The following CACNA2D1 variants were observed in gnomAD, a reference collection of about 807,000 sequenced individuals.
CACNA2D1 encodes calcium voltage-gated channel auxiliary subunit alpha2delta 1, also known as voltage-dependent calcium channel subunit alpha-2/delta-1.
CACNA2D1 carries 53 observed loss-of-function variants against 171.5 expected under a neutral mutation model. That is an observed-to-expected ratio of 0.31 (90% CI 0.25 to 0.39). The LOEUF is 0.39. Among genes scored for constraint, CACNA2D1 ranks in the 10% least tolerant of loss-of-function variants. The pLI is 1.00. For synonymous variants in CACNA2D1, 442 were observed against 443.1 expected, an observed-to-expected ratio of 1.00 and a Z score of 0.03; for missense variants, 903 against 1,299.8, an observed-to-expected ratio of 0.69 and a Z score of 4.69.
At chr7:82,155,269 C>T (rs1794265791) in intron 4 of CACNA2D1, among the ~76,000 whole-genome samples, 1 of 152,032 alleles carries the variant, frequency 6.6e-6, no homozygotes, top group African/African-American at 2.4e-5. Context: ...AATGCAAGAA[C>T]CGACTAATAG....
intron 3 of CACNA2D1, among the ~76,000 whole-genome samples, chr7:82,303,002 T>C (rs1443887711): frequency 6.6e-6 from 1 of 152,014 alleles, no homozygotes; most frequent in Non-Finnish European, 1.5e-5. Flanking sequence ...TTTTTGTTTG[T>C]TTGTTTTTTG....
intron 12 of CACNA2D1, among the ~76,000 whole-genome samples, chr7:82,020,383 T>C (rs1801038502): frequency 6.6e-6 from 1 of 151,246 alleles, no homozygotes; most frequent in African/African-American, 2.4e-5. Context: ...GCAAGTTACT[T>C]TACTTTTCTG....
intron 3 of CACNA2D1, among the ~76,000 whole-genome samples, chr7:82,331,361 T>C (rs1393765282): frequency 1.2e-4 from 19 of 152,172 alleles, no homozygotes; most frequent in Non-Finnish European, 2.8e-4. Context: ...TTAATCCAGA[T>C]GTCTCCCTGA....
intron 3 of CACNA2D1, among the ~76,000 whole-genome samples, chr7:82,172,501 G>A (rs1368155842): frequency 3.3e-5 from 5 of 151,672 alleles, no homozygotes; most frequent in African/African-American, 1.2e-4. Context: ...CTCCCAGCCT[G>A]GAGTACAGTG....
intron 6 of CACNA2D1, among the ~76,000 whole-genome samples, chr7:82,111,424 G>GTATATATAGATTCATATA: frequency 1.4e-5 from 1 of 71,102 alleles, no homozygotes; most frequent in Non-Finnish European, 2.6e-5. Flanking sequence ...GTGTATATAT[G>GTATATATAGATTCATATA]TGTGTATATA....
intron 10 of CACNA2D1, among the ~76,000 whole-genome samples, chr7:82,054,022 T>G (rs1320966021): frequency 1.3e-5 from 2 of 152,178 alleles, no homozygotes; most frequent in African/African-American, 4.8e-5. Flanking sequence ...CTTAAGAAAT[T>G]AGTTAACAAT....
At chr7:82,066,046 A>G (rs1050995187) in intron 8 of CACNA2D1, among the ~76,000 whole-genome samples, 1 of 152,122 alleles carries the variant, frequency 6.6e-6, no homozygotes, top group Non-Finnish European at 1.5e-5. Context: ...CTATATGAAT[A>G]TAACTAGGGG....
At chr7:82,278,274 C>T (rs1354317798) in intron 3 of CACNA2D1, among the ~76,000 whole-genome samples, 1 of 151,996 alleles carries the variant, frequency 6.6e-6, no homozygotes, top group Non-Finnish European at 1.5e-5. Flanking sequence ...CTTATATCAA[C>T]AAACAAAATT....
chr7:82,086,357 T>A (rs1810485031), intron 6 of CACNA2D1, among the ~76,000 whole-genome samples: 1 of 152,206 alleles, frequency 6.6e-6, no homozygotes, highest in Non-Finnish European at 1.5e-5. Flanking sequence ...GCAGTCCTCA[T>A]TATTGAAAAC....
intron 5 of CACNA2D1, among the ~76,000 whole-genome samples, chr7:82,123,365 T>G (rs1789966062): frequency 6.6e-6 from 1 of 152,196 alleles, no homozygotes; most frequent in African/African-American, 2.4e-5. Flanking sequence ...TTAACAAGCT[T>G]ATACATCACC....
chr7:82,330,751 A>C (rs1585523787), intron 3 of CACNA2D1, among the ~76,000 whole-genome samples: 1 of 152,200 alleles, frequency 6.6e-6, no homozygotes, highest in East Asian at 1.9e-4. Flanking sequence ...ATGGATGAAT[A>C]GAACTTTACA....
chr7:82,258,812 C>CTT (rs1468609235), intron 3 of CACNA2D1, among the ~76,000 whole-genome samples: 2 of 64,104 alleles, frequency 3.1e-5, no homozygotes, highest in African/African-American at 6.6e-5. Flanking sequence ...TTCTTTCTTA[C>CTT]TTTTCTTTTT....
chr7:82,100,727 TAGA>T (rs1812578694), intron 6 of CACNA2D1, among the ~76,000 whole-genome samples: 1 of 152,124 alleles, frequency 6.6e-6, no homozygotes, highest in Non-Finnish European at 1.5e-5. Context: ...AGAGATTTAG[TAGA>T]AGATTTGAAA....
At position 82,373,557 on chromosome 7, in the gene CACNA2D1, T is replaced by C. The variant is rs566461845; in HGVS notation, c.96-23908A>G. On this transcript the variant is annotated intron_variant, in intron 1 of 38. Transcript: ENST00000356860. ...TTGTATTAAAACACATCGTACTGCC[T>C]TGTGACATAGCATAAGTTGTCAAGT... is the stretch of plus-strand genomic sequence containing the variant. 1.3e-3 allele frequency among the ~76,000 whole-genome samples: 192 copies of C among 152,302 alleles called. 1 individual carries two copies. The highest frequency in any genetic ancestry group is 3.1e-4 in the Non-Finnish European group (21 of 68,032).
chr7:82,352,709 G>A (rs1042790095), intron 1 of CACNA2D1, among the ~76,000 whole-genome samples: 3 of 152,102 alleles, frequency 2.0e-5, no homozygotes, highest in African/African-American at 4.8e-5. Flanking sequence ...GGTATGAGAC[G>A]GTTGATAGAA....
At chr7:81,962,728 T>C (rs1466065248) in intron 34 of CACNA2D1, among the ~76,000 whole-genome samples, 1 of 151,958 alleles carries the variant, frequency 6.6e-6, no homozygotes, top group Non-Finnish European at 1.5e-5. Context: ...TGGGACACAA[T>C]GTGTGAAGAA....
chr7:81,950,873 A>G (rs897318356), intron 38 of CACNA2D1, among the ~76,000 whole-genome samples: 2 of 152,118 alleles, frequency 1.3e-5, no homozygotes, highest in African/African-American at 2.4e-5. Flanking sequence ...AGGTTTTATA[A>G]TTCCCAAGAA....
Position 81,985,196 on chromosome 7 carries a change from C to CTTTTTTTTTTTTTTTTTTTTT in CACNA2D1, c.1797-506_1797-486dup, listed in dbSNP as rs774555240. On this transcript the variant is annotated intron_variant, in intron 21 of 38. Transcript: ENST00000356860. ...AATGGAAGAGTTACTATTATCATTA[C>CTTTTTTTTTTTTTTTTTTTTT]TTTTTTTTTTTTTTTTTTTTTGGAG... Among the ~76,000 whole-genome samples, 30 of 104,176 alleles carry CTTTTTTTTTTTTTTTTTTTTT rather than the reference C, an allele frequency of 2.9e-4. 2 individuals are homozygous for CTTTTTTTTTTTTTTTTTTTTT. The highest frequency in any genetic ancestry group is 1.2e-3 in the African/African-American group (30 of 24,302). 68.3% of individuals were successfully genotyped at this position (104,176 alleles called of 152,430 possible).
chr7:82,038,140 G>A lies in CACNA2D1; in HGVS notation c.975C>T (p.Ile325=), dbSNP rs753287895. ...KKVLKDAVNN[I]TAKGITDYKK... ...TATAATCTGTAATTCCTTTGGCTGT[G>A]ATATTATTCACCGCGTCTTTCAACA... The change falls in exon 11 of 39, where the codon ATC becomes ATT. Residue 325 remains isoleucine, a synonymous_variant. Coordinates refer to ENST00000356860, the MANE Select transcript of CACNA2D1 (RefSeq NM_000722.4). The A allele has an allele frequency of 9.3e-6, 15 of 1,613,536 alleles. No homozygotes were observed. Among genetic ancestry groups the A allele is most frequent in the Non-Finnish European group, 1.2e-5 (14 of 1,179,722 alleles).
Sources: allele counts gnomAD v4.1 joint callset (sites outside exome capture counted in the v4.1 genomes callset), GRCh38; gene constraint gnomAD v4.1.1; transcripts MANE v1.5; gene names NCBI Gene and HGNC (gene_info 2026-07-23, HGNC 2026-07-21).